The following RC3H1 variants were observed in gnomAD, a reference collection of about 807,000 sequenced individuals.
RC3H1 encodes the protein ring finger and CCCH-type domains 1, also known as roquin-1.
Under a neutral mutation model 138.2 loss-of-function variants are expected in RC3H1, and 50 were observed. The ratio of observed to expected loss-of-function variants is 0.36; its 90% CI spans 0.29 to 0.46. The LOEUF is 0.46. Ranked by LOEUF, RC3H1 falls within the 20% of genes least tolerant of loss-of-function variation. The probability of loss-of-function intolerance (pLI) is 1.00; values close to 1 mark genes in which losing one functional copy is unlikely to be tolerated. For missense variants in RC3H1, 1,031 were observed against 1,388.1 expected (o/e 0.74, Z 4.09); for synonymous variants, 462 against 489.1 (o/e 0.94, Z 0.73).
intron 1 of RC3H1, among the ~76,000 whole-genome samples, chr1:173,997,055 C>T (rs934187995): frequency 6.6e-6 from 1 of 151,852 alleles, no homozygotes; most frequent in Admixed American, 6.6e-5. Flanking sequence ...TCAAGTGAGA[C>T]CCCGTCTCTA....
chr1:173,951,273 C>T lies in RC3H1; in HGVS notation c.2523+713G>A, dbSNP rs188255270. On this transcript the variant is annotated intron_variant, in intron 14 of 19. Transcript: ENST00000367696. ...CTGGGAAGTGGAGGTTGTGGTGAGC[C>T]GAGATCGCGCCATTGAACTCCAGCC... 1.2e-3 allele frequency among the ~76,000 whole-genome samples: 176 copies of T among 152,058 alleles called. 1 individual carries two copies. The highest frequency in any genetic ancestry group is 4.1e-3 in the African/African-American group (172 of 41,454).
chr1:173,947,721 T>C (rs1415915412), intron 14 of RC3H1, 139 bp from the exon 15 acceptor site: 5 of 668,176 alleles, frequency 7.5e-6, no homozygotes, highest in Non-Finnish European at 1.3e-5. Flanking sequence ...CCTTTGGTTG[T>C]TTTTATGTAA....
At chr1:174,002,781 G>C (rs1661584138) in intron 1 of RC3H1, among the ~76,000 whole-genome samples, 2 of 152,138 alleles carry the variant, frequency 1.3e-5, no homozygotes, top group Non-Finnish European at 2.9e-5. Flanking sequence ...TGATTGGCAA[G>C]CCACTCCTTG....
At chr1:174,021,491 T>G (rs1175781431) in intron 1 of RC3H1, among the ~76,000 whole-genome samples, 1 of 124,070 alleles carries the variant, frequency 8.1e-6, no homozygotes, top group Non-Finnish European at 1.7e-5. Flanking sequence ...AAGTTTTTTG[T>G]TTTTTTTTTT....
intron 18 of RC3H1, among the ~76,000 whole-genome samples, chr1:173,942,428 C>CAAAAAAAAAACAAAAAAAAAAAA (rs1658919067): frequency 2.6e-5 from 1 of 38,086 alleles, no homozygotes; most frequent in African/African-American, 1.4e-4. Context: ...GACTCAGTCT[C>CAAAAAAAAAACAAAAAAAAAAAA]AAAAAAAAAA....
At position 173,933,128 on chromosome 1, in the gene RC3H1, ATAT is replaced by A. The variant is rs1269320299; in HGVS notation, c.*5590_*5592del. ...TTCTAAATACACATTTTTGGACACG[ATAT>A]TATGTTGAGGTTTAAGTTCTTCCCC... On this transcript the variant is annotated 3_prime_UTR_variant, in exon 20 of 20. Coordinates refer to ENST00000367696, the MANE Select transcript of RC3H1 (RefSeq NM_172071.4). The A allele has an allele frequency of 6.6e-6, 1 of 152,086 alleles. No homozygotes were observed. The highest frequency in any genetic ancestry group is 1.5e-5 in the Non-Finnish European group (1 of 67,968). The allele number at this position is 152,086 out of a possible 1,614,324, so 9.4% of individuals were successfully genotyped here. A position where few individuals can be genotyped will look rare whatever the true frequency, so the allele number is the denominator to read the frequency against.
At chr1:173,941,564 C>G (rs1658862970) in intron 18 of RC3H1, 184 bp from the exon 19 acceptor site, 1 of 492,132 alleles carries the variant, frequency 2.0e-6, no homozygotes, top group East Asian at 3.5e-5. Context: ...AATCCACTTG[C>G]TCACTAACCA....
At position 173,936,755 on chromosome 1, in the gene RC3H1, ATATATATT is replaced by A. The variant is rs1417950488; in HGVS notation, c.*1958_*1965del. The A allele has an allele frequency of 0.024, 955 of 40,526 alleles. 9 individuals are homozygous for A. Among genetic ancestry groups the A allele is most frequent in the Admixed American group, 0.031 (118 of 3,762 alleles). The allele number at this position is 40,526 out of a possible 1,614,324, so 2.5% of individuals were successfully genotyped here. A position where few individuals can be genotyped will look rare whatever the true frequency, so the allele number is the denominator to read the frequency against. On this transcript the variant is annotated 3_prime_UTR_variant, in exon 20 of 20. Transcript: ENST00000367696. ...CATATATATATATATATATATATAT[ATATATATT>A]TTTTTTTTTTTTTTTAAAAAAAGAA...
In RC3H1 at chr1:173,990,782, T is replaced by C. The variant is rs879594684; in HGVS notation, c.231+1973A>G. ...CACGCCCAGCTAACTTTTTGTATTT[T>C]TAGTAGAGACAGGGTTTCACTGTGT... is the stretch of plus-strand genomic sequence containing the variant. On this transcript the variant is annotated intron_variant, in intron 2 of 19. Transcript: ENST00000367696. Among the ~76,000 whole-genome samples the C allele has an allele frequency of 1.1e-4, 17 of 152,078 alleles. 1 individual carries two copies. In the East Asian group the frequency reaches 3.3e-3, roughly 30 times the overall value.
At chr1:173,941,582 C>A in intron 18 of RC3H1, 1 of 446,304 alleles carries the variant, frequency 2.2e-6, no homozygotes, top group Non-Finnish European at 4.0e-6. Flanking sequence ...CCAAGCTGGA[C>A]AATAAGACAG....
chr1:173,987,993 T>C (rs1661100130), intron 2 of RC3H1, among the ~76,000 whole-genome samples: 1 of 152,186 alleles, frequency 6.6e-6, no homozygotes, highest in African/African-American at 2.4e-5. Context: ...CGTACCCCCA[T>C]GGGAAAAGAC....
At chr1:173,967,468 A>G (rs1660171011) in intron 9 of RC3H1, among the ~76,000 whole-genome samples, 1 of 152,264 alleles carries the variant, frequency 6.6e-6, no homozygotes, top group African/African-American at 2.4e-5. Flanking sequence ...CCTACTGATC[A>G]TGAAGAAAAA....
chr1:173,933,412 T>C lies in RC3H1; in HGVS notation c.*5309A>G, dbSNP rs1483517118. 1.3e-5 allele frequency: 2 copies of C among 152,252 alleles called. No homozygotes were observed. The highest frequency in any genetic ancestry group is 3.4e-3 in the Middle Eastern group (1 of 294). The allele number at this position is 152,252 out of a possible 1,614,324, so 9.4% of individuals were successfully genotyped here. A position where few individuals can be genotyped will look rare whatever the true frequency, so the allele number is the denominator to read the frequency against. On this transcript the variant is annotated 3_prime_UTR_variant, in exon 20 of 20. Coordinates refer to ENST00000367696, the MANE Select transcript of RC3H1 (RefSeq NM_172071.4). ...AGGTGTTACTTATTCCTGGTGGTGA[T>C]AGTCTTACTCTTTATTAACACTATA...
intron 2 of RC3H1, among the ~76,000 whole-genome samples, chr1:173,989,587 C>T (rs1661176214): frequency 6.6e-6 from 1 of 151,758 alleles, no homozygotes; most frequent in Non-Finnish European, 1.5e-5. Flanking sequence ...TTGAAAAAAA[C>T]CCACTGCCTA....
In RC3H1 at chr1:173,947,576, C is replaced by T. The variant is rs1571172013; in HGVS notation, c.2530G>A (p.Glu844Lys). ...AAGSVEMMNV[E>K]SKGMRDQRLD... ...CGCTGGTCCCTCATTCCTTTACTCT[C>T]CACATTCTGATAAAAAAGCAAAATG... The change falls in exon 15 of 20, where the codon GAG (glutamate) becomes AAG (lysine). Residue 844 changes from glutamate to lysine, a missense_variant. By Grantham distance (56) the Glu-to-Lys change is moderately conservative (BLOSUM62 1). Around this residue, in one of 7 missense-constraint regions of RC3H1, gnomAD observed 716 missense variants for 837.9 expected, o/e 0.85. Transcript: ENST00000367696. 1 of 1,613,684 alleles carries T rather than the reference C, an allele frequency of 6.2e-7. No individual in the cohort carries two copies. Among genetic ancestry groups the T allele is most frequent in the East Asian group, 2.2e-5 (1 of 44,866 alleles).
At chr1:173,951,858 T>C (rs1028804208) in intron 14 of RC3H1, 128 bp downstream of exon 14, 4 of 715,794 alleles carry the variant, frequency 5.6e-6, no homozygotes, top group African/African-American at 1.8e-5. Flanking sequence ...ATAACTCAAC[T>C]GCAGAGTATA....
chr1:174,007,389 CAAA>C (rs202112964), intron 1 of RC3H1, among the ~76,000 whole-genome samples: 1 of 132,536 alleles, frequency 7.5e-6, no homozygotes, highest in Non-Finnish European at 1.6e-5. Context: ...GACTCCATCT[CAAA>C]AAAAAAAAAA....
Position 173,978,664 on chromosome 1 carries a change from C to T in RC3H1, c.970-44G>A. On this transcript the variant is annotated intron_variant, in intron 6 of 19. Transcript: ENST00000367696. ...TAACTTTCCCAAAGGTCAGATAATC[C>T]TTTAAATATAAAGATTATTTATATC... 1.9e-6 allele frequency: 3 copies of T among 1,549,380 alleles called. No individual in the cohort carries two copies. In the South Asian group the frequency reaches 3.6e-5, roughly 19 times the overall value.
chr1:173,944,236 C>G (rs58174255), intron 17 of RC3H1, among the ~76,000 whole-genome samples: 18,627 of 151,574 alleles, frequency 0.12, 1,267 homozygotes, highest in East Asian at 0.32. Context: ...TGCATCTTTC[C>G]CCCTCTGTTT....
Sources: allele counts gnomAD v4.1 joint callset (sites outside exome capture counted in the v4.1 genomes callset), GRCh38; gene constraint gnomAD v4.1.1; regional missense constraint gnomAD v4.1.1; transcripts MANE v1.5; gene names NCBI Gene and HGNC (gene_info 2026-07-23, HGNC 2026-07-21).